The following MRTFB variants were observed in gnomAD, a reference collection of about 807,000 sequenced individuals.
The protein encoded by MRTFB is myocardin-related transcription factor B.
In MRTFB, 29 loss-of-function variants were observed where a neutral mutation model predicts 104.2. The ratio of observed to expected loss-of-function variants is 0.28; its 90% confidence interval spans 0.21 to 0.38. The LOEUF (loss-of-function observed/expected upper bound fraction) is 0.38. Ranked by LOEUF, MRTFB falls within the 10% of genes least tolerant of loss-of-function variation. MRTFB has a pLI of 1.00. For missense variants in MRTFB, 1,270 were observed against 1,341.6 expected (o/e 0.95, Z 0.83); for synonymous variants, 535 against 519.5 (o/e 1.03, Z -0.41).
chr16:14,127,921 ATATATATATTTTTTTTTT>A (rs1271467158), intron 2 of MRTFB, among the ~76,000 whole-genome samples: 19 of 39,910 alleles, frequency 4.8e-4, no homozygotes, highest in African/African-American at 4.2e-3. Flanking sequence ...ATATATATAT[ATATATATATTTTTTTTTT>A]TTTTTTTTTT....
At chr16:14,150,664 C>T (rs9933715) in intron 3 of MRTFB, among the ~76,000 whole-genome samples, 9,369 of 152,060 alleles carry the variant, frequency 0.062, 906 homozygotes, top group African/African-American at 0.2. Flanking sequence ...AGCAAGACCT[C>T]ATCATAAGAA....
At chr16:14,182,734 A>G (rs1252850949) in intron 3 of MRTFB, among the ~76,000 whole-genome samples, 1 of 152,206 alleles carries the variant, frequency 6.6e-6, no homozygotes, top group Non-Finnish European at 1.5e-5. Context: ...TGTGCCGGGA[A>G]GTAAGAAGGT....
At chr16:14,219,772 A>G (rs1316452193) in intron 8 of MRTFB, among the ~76,000 whole-genome samples, 3 of 152,118 alleles carry the variant, frequency 2.0e-5, no homozygotes, top group African/African-American at 7.2e-5. Context: ...GATCTGAAAT[A>G]TGTTTATTTG....
chr16:14,171,170 G>A (rs1484925722), intron 3 of MRTFB, among the ~76,000 whole-genome samples: 1 of 152,172 alleles, frequency 6.6e-6, no homozygotes, highest in Non-Finnish European at 1.5e-5. Flanking sequence ...CCCAGCCCTG[G>A]AGCCAGCCAT....
At chr16:14,259,842 T>TA (rs1312584490) in intron 16 of MRTFB, among the ~76,000 whole-genome samples, 6 of 152,220 alleles carry the variant, frequency 3.9e-5, no homozygotes, top group Admixed American at 3.9e-4. Flanking sequence ...TGACTACTGA[T>TA]AATTAAAAGT....
chr16:14,028,206 C>CAACAAAACAAAACAAACCAA, the MRTFB span, among the ~76,000 whole-genome samples: 1 of 151,314 alleles, frequency 6.6e-6, no homozygotes, highest in Admixed American at 6.6e-5. Context: ...AAACACAACA[C>CAACAAAACAAAACAAACCAA]AACAAAACAA....
At chr16:14,073,044 A>T (rs1230996768) in intron 1 of MRTFB, among the ~76,000 whole-genome samples, 2 of 152,228 alleles carry the variant, frequency 1.3e-5, no homozygotes, top group African/African-American at 4.8e-5. Flanking sequence ...TTGTATGTTA[A>T]CGGTGTGTGG....
intron 8 of MRTFB, among the ~76,000 whole-genome samples, chr16:14,227,943 G>GTCTA (rs1307290441): frequency 7.0e-6 from 1 of 143,568 alleles, no homozygotes; most frequent in African/African-American, 2.8e-5. Flanking sequence ...TTTTGTTGCA[G>GTCTA]TCTATCTTAA....
intron 15 of MRTFB, among the ~76,000 whole-genome samples, chr16:14,256,733 C>G (rs1003090161): frequency 1.3e-5 from 2 of 152,236 alleles, no homozygotes; most frequent in African/African-American, 4.8e-5. Flanking sequence ...CCCATCAAAA[C>G]CATTCCTGAC....
chr16:14,248,308 A>G (rs989410439), intron 12 of MRTFB: 4 of 152,280 alleles, frequency 2.6e-5, no homozygotes, highest in African/African-American at 9.7e-5. Context: ...GAGAGGAATC[A>G]TCTCGTACCC....
intron 2 of MRTFB, among the ~76,000 whole-genome samples, chr16:14,111,784 C>T (rs1381448581): frequency 6.6e-6 from 1 of 152,134 alleles, no homozygotes; most frequent in African/African-American, 2.4e-5. Flanking sequence ...TTTCTCGGTC[C>T]TCTGGCGCCT....
chr16:14,023,610 C>CATACAT, the MRTFB span, among the ~76,000 whole-genome samples: 782 of 106,950 alleles, frequency 7.3e-3, 7 homozygotes, highest in East Asian at 0.029. Flanking sequence ...CACACACACA[C>CATACAT]ATACATATAC....
intron 13 of MRTFB, among the ~76,000 whole-genome samples, 167 bp downstream of exon 13, chr16:14,249,248 T>A (rs2043155381): frequency 6.6e-6 from 1 of 152,230 alleles, no homozygotes; most frequent in Non-Finnish European, 1.5e-5. Context: ...GGCTGCAGAT[T>A]TCCCAGTTAT....
rs1195555396 is a variant in MRTFB, at chr16:14,116,477, A to ATTT, written c.-63-24066_-63-24064dup. On this transcript the variant is annotated intron_variant, in intron 2 of 16. Coordinates refer to ENST00000571589, the MANE Select transcript of MRTFB (RefSeq NM_001308142.2). ...ACTATTAACTTTTTTTTATATGCTT[A>ATTT]TTTCATGACCTGGTGTTTAACACCC... Among the ~76,000 whole-genome samples, 5 of 152,128 alleles carry ATTT rather than the reference A, an allele frequency of 3.3e-5. No individual in the cohort carries two copies. The East Asian group carries it at 9.7e-4, about 29-fold the overall frequency.
chr16:14,017,711 A>ATATATTT, the MRTFB span, among the ~76,000 whole-genome samples: 6 of 33,592 alleles, frequency 1.8e-4, no homozygotes, highest in South Asian at 9.4e-4. Flanking sequence ...ATATATATAT[A>ATATATTT]TTTTTTTTTT....
intron 1 of MRTFB, among the ~76,000 whole-genome samples, chr16:14,073,481 TTTG>T (rs772647816): frequency 6.6e-6 from 1 of 152,234 alleles, no homozygotes; most frequent in Middle Eastern, 3.2e-3. Context: ...TTTGTCCTGT[TTTG>T]TTTTTTCTTT....
At chr16:14,024,475 A>G in the MRTFB span, among the ~76,000 whole-genome samples, 1 of 152,240 alleles carries the variant, frequency 6.6e-6, no homozygotes, top group Non-Finnish European at 1.5e-5. Flanking sequence ...GTAAATTGAT[A>G]TGGCCACTGC....
intron 9 of MRTFB, among the ~76,000 whole-genome samples, chr16:14,239,253 G>A (rs922935144): frequency 6.6e-6 from 1 of 152,114 alleles, no homozygotes; most frequent in Non-Finnish European, 1.5e-5. Flanking sequence ...CATATCCAAA[G>A]GAAGGATATA....
chr16:14,105,727 A>C (rs2142099162), intron 2 of MRTFB, among the ~76,000 whole-genome samples: 1 of 152,302 alleles, frequency 6.6e-6, no homozygotes, highest in South Asian at 2.1e-4. Flanking sequence ...TTTGTGAATT[A>C]ATAAGATGCT....
Sources: allele counts gnomAD v4.1 joint callset (sites outside exome capture counted in the v4.1 genomes callset), GRCh38; gene constraint gnomAD v4.1.1; transcripts MANE v1.5; gene names NCBI Gene and HGNC (gene_info 2026-07-23, HGNC 2026-07-21).